ARID1B: variants seen among roughly 807,000 people sequenced by gnomAD.
The protein encoded by ARID1B is AT-rich interaction domain 1B, also known as AT-rich interactive domain-containing protein 1B.
In ARID1B, 30 loss-of-function variants were observed where a neutral mutation model predicts 212.3. That is an observed-to-expected ratio of 0.14 (90% confidence interval 0.11 to 0.19). The LOEUF (loss-of-function observed/expected upper bound fraction) is 0.19. Among genes scored for constraint, ARID1B ranks in the 10% least tolerant of loss-of-function variants. The probability of loss-of-function intolerance (pLI) is 1.00; values close to 1 mark genes in which losing one functional copy is unlikely to be tolerated. For missense variants in ARID1B, 2,891 were observed against 3,204.0 expected, an observed-to-expected ratio of 0.90 and a Z score of 2.36; for synonymous variants, 1,402 against 1,301.7, an observed-to-expected ratio of 1.08 and a Z score of -1.66.
intron 8 of ARID1B, among the ~76,000 whole-genome samples, chr6:157,157,168 G>A (rs908234786): frequency 3.3e-5 from 5 of 152,098 alleles, no homozygotes; most frequent in Non-Finnish European, 5.9e-5. Context: ...GTGCTCACTC[G>A]GAGATGGCTC....
intron 4 of ARID1B, among the ~76,000 whole-genome samples, chr6:157,051,535 T>C (rs1323891806): frequency 6.6e-6 from 1 of 152,206 alleles, no homozygotes; most frequent in Non-Finnish European, 1.5e-5. Flanking sequence ...CTGTAACCTC[T>C]TAAATTCACT....
In ARID1B at chr6:156,955,291, G is replaced by A. The variant is rs992953062; in HGVS notation, c.2247+19715G>A. ...GAAAGTTAAATAGGCTAAATCCAGA[G>A]CTTTCTGACATTCTGGTTATTGCCA... On this transcript the variant is annotated intron_variant, in intron 4 of 19. Transcript: ENST00000636930. The surrounding 1 kb of genome is among the most constrained non-coding windows in gnomAD (Gnocchi z 4.2). 3.3e-5 allele frequency among the ~76,000 whole-genome samples: 5 copies of A among 152,212 alleles called. No individual in the cohort carries two copies. Among genetic ancestry groups the A allele is most frequent in the African/African-American group, 1.2e-4 (5 of 41,440 alleles).
At chr6:157,084,560 C>A (rs2128461387) in intron 4 of ARID1B, 102 bp from the exon 5 acceptor site, 2 of 1,436,106 alleles carry the variant, frequency 1.4e-6, no homozygotes, top group Non-Finnish European at 1.9e-6. Context: ...ACCCAGAAAA[C>A]CTTCATCTCT....
chr6:156,891,945 C>T lies in ARID1B; in HGVS notation c.1987-9431C>T, dbSNP rs1787958986. On this transcript the variant is annotated intron_variant, in intron 2 of 19. Coordinates refer to ENST00000636930, the MANE Select transcript of ARID1B (RefSeq NM_001374828.1). ...GGAGTACAATGGCGCAATTTCGGCT[C>T]ACTGCAGTCTCTGCCTCTCCGGTTC... Among the ~76,000 whole-genome samples, 3 of 150,484 alleles carry T rather than the reference C, an allele frequency of 2.0e-5. No individual in the cohort carries two copies. The South Asian group carries it at 6.2e-4, about 31-fold the overall frequency.
chr6:157,204,152 G>A, intron 19 of ARID1B, 156 bp downstream of exon 19: 1 of 927,092 alleles, frequency 1.1e-6, no homozygotes, highest in Non-Finnish European at 1.7e-6. Context: ...TCAATGTAGA[G>A]TTATCTGGGA....
intron 4 of ARID1B, among the ~76,000 whole-genome samples, chr6:157,074,942 T>C (rs908089280): frequency 1.3e-5 from 2 of 152,226 alleles, no homozygotes; most frequent in Non-Finnish European, 2.9e-5. Flanking sequence ...CAAGTCCTTA[T>C]TGATACTATT....
intron 2 of ARID1B, among the ~76,000 whole-genome samples, chr6:156,892,870 A>G (rs1380571510): frequency 1.8e-4 from 27 of 152,342 alleles, no homozygotes; most frequent in Admixed American, 1.7e-3. Context: ...TAAAACAGAA[A>G]GATCCAAAGC....
At chr6:157,026,195 G>A (rs1209407209) in intron 4 of ARID1B, among the ~76,000 whole-genome samples, 1 of 152,240 alleles carries the variant, frequency 6.6e-6, no homozygotes, top group Admixed American at 6.5e-5. Flanking sequence ...TTACAGGCAT[G>A]AGCCACTGCG....
intron 4 of ARID1B, among the ~76,000 whole-genome samples, chr6:157,031,714 CTTG>C (rs757710256): frequency 2.0e-5 from 3 of 152,054 alleles, no homozygotes; most frequent in Non-Finnish European, 4.4e-5. Context: ...ACCCCCTCCT[CTTG>C]TTATTTCACA....
At chr6:156,877,882 T>A (rs1405129880) in intron 2 of ARID1B, among the ~76,000 whole-genome samples, 1 of 151,852 alleles carries the variant, frequency 6.6e-6, no homozygotes. Context: ...GCTAATTTTT[T>A]TTTTTGTATT....
intron 4 of ARID1B, among the ~76,000 whole-genome samples, chr6:157,037,557 A>G (rs1289540856): frequency 6.6e-6 from 1 of 152,216 alleles, no homozygotes; most frequent in Non-Finnish European, 1.5e-5. Context: ...AACAGCCACC[A>G]TGAAAAATAT....
intron 2 of ARID1B, among the ~76,000 whole-genome samples, chr6:156,872,431 C>G (rs925323821): frequency 6.6e-6 from 1 of 152,172 alleles, no homozygotes; most frequent in African/African-American, 2.4e-5. Flanking sequence ...AAGTGATTCT[C>G]CTGCCTCAGC....
chr6:157,057,840 A>T (rs1266357303), intron 4 of ARID1B, among the ~76,000 whole-genome samples: 1 of 152,160 alleles, frequency 6.6e-6, no homozygotes, highest in African/African-American at 2.4e-5. Context: ...AGGAGGATTA[A>T]TTTCAGATAG....
intron 9 of ARID1B, among the ~76,000 whole-genome samples, chr6:157,170,508 A>G (rs1415461836): frequency 1.3e-5 from 2 of 152,216 alleles, no homozygotes; most frequent in South Asian, 2.1e-4. Context: ...CTCCCACCAT[A>G]TACAAAGGAC....
intron 4 of ARID1B, among the ~76,000 whole-genome samples, chr6:157,017,210 T>A (rs1292009258): frequency 6.6e-6 from 1 of 152,216 alleles, no homozygotes; most frequent in East Asian, 1.9e-4. Flanking sequence ...TGGATTGCCC[T>A]TGTTTCAAAT....
At chr6:157,130,232 A>G (rs1209014428) in intron 6 of ARID1B, among the ~76,000 whole-genome samples, 2 of 152,136 alleles carry the variant, frequency 1.3e-5, no homozygotes, top group African/African-American at 4.8e-5. Context: ...GGACACCTTC[A>G]TGGTTGGAGT....
chr6:156,827,999 G>C (rs370605221), intron 1 of ARID1B, among the ~76,000 whole-genome samples: 2 of 150,782 alleles, frequency 1.3e-5, no homozygotes, highest in South Asian at 4.2e-4. Context: ...GACCTCAACT[G>C]ATCTGCCCGT....
At chr6:157,027,385 A>G (rs1380584175) in intron 4 of ARID1B, among the ~76,000 whole-genome samples, 5 of 152,228 alleles carry the variant, frequency 3.3e-5, no homozygotes, top group African/African-American at 1.2e-4. Context: ...TTAAATATGC[A>G]CTGTGATAAA....
intron 2 of ARID1B, among the ~76,000 whole-genome samples, chr6:156,849,586 C>T (rs139146336): frequency 6.6e-6 from 1 of 152,258 alleles, no homozygotes; most frequent in South Asian, 2.1e-4. Context: ...TTGTGTAAAT[C>T]GTTACAGTCT....
Sources: gnomAD v4.1 joint callset for allele counts (sites outside exome capture counted in the v4.1 genomes callset) on GRCh38, gnomAD v4.1.1 for gene constraint, Gnocchi (gnomAD v3.1) non-coding constraint, MANE v1.5 for transcripts, NCBI Gene and HGNC (gene_info 2026-07-23, HGNC 2026-07-21) for gene names.